Variants in ZC3H12B observed in about 807,000 individuals in gnomAD.
ZC3H12B encodes the protein zinc finger CCCH-type containing 12B.
A neutral mutation model predicts 43.9 loss-of-function variants in ZC3H12B; 7 were observed. That is an observed-to-expected ratio of 0.16 (90% CI 0.09 to 0.30). The LOEUF is 0.30. Among genes scored for constraint, ZC3H12B ranks in the 10% least tolerant of loss-of-function variants. ZC3H12B has a pLI of 1.00. For missense variants in ZC3H12B, 475 were observed against 670.2 expected (o/e 0.71, Z 3.22); for synonymous variants, 222 against 241.7 (o/e 0.92, Z 0.76).
At chrX:65,321,164 CA>C in the ZC3H12B span, among the ~76,000 whole-genome samples, 12 of 109,508 alleles carry the variant, frequency 1.1e-4, no homozygotes, top group Non-Finnish European at 2.1e-4. Context: ...ATCTAATAAC[CA>C]GCATCTATAA....
chrX:65,398,224 C>T lies in ZC3H12B; in HGVS notation n.296-369C>T, dbSNP rs1374128675. ...AGCAATCTATAGATTTAATGCAATC[C>T]CTATCCAAATACCATTGATACTTTT... On this transcript the variant is annotated intron_variant and non_coding_transcript_variant, in intron 2 of 5. Transcript: ENST00000617377. 9.0e-5 allele frequency among the ~76,000 whole-genome samples: 10 copies of T among 111,359 alleles called. 1 individual carries two copies. Among genetic ancestry groups the T allele is most frequent in the Non-Finnish European group, 1.9e-5 (1 of 52,962 alleles).
At chrX:65,261,203 G>T in the ZC3H12B span, among the ~76,000 whole-genome samples, 1 of 111,493 alleles carries the variant, frequency 9.0e-6, no homozygotes, top group Non-Finnish European at 1.9e-5. Flanking sequence ...AAAATGTATA[G>T]TAACAGAGCT....
At chrX:65,202,082 A>ATATATGTAATATATATATT in the ZC3H12B span, among the ~76,000 whole-genome samples, 1 of 64,222 alleles carries the variant, frequency 1.6e-5, no homozygotes, top group Non-Finnish European at 2.2e-5. Flanking sequence ...ATTACATATA[A>ATATATGTAATATATATATT]TATATGTAAT....
intron 3 of ZC3H12B, chrX:65,470,378 CA>C (rs201585286): frequency 7.7e-4 from 1 of 1,304 alleles, no homozygotes; most frequent in South Asian, 8.3e-3. Context: ...AACTTCCTAC[CA>C]ACCAGAAAGG....
the ZC3H12B span, among the ~76,000 whole-genome samples, chrX:65,091,551 C>A: frequency 7.2e-4 from 81 of 111,742 alleles, no homozygotes; most frequent in African/African-American, 2.6e-3. Flanking sequence ...TTTAAATAAA[C>A]CTTTTGTATT....
chrX:65,153,471 A>C, the ZC3H12B span, among the ~76,000 whole-genome samples: 1 of 112,730 alleles, frequency 8.9e-6, no homozygotes, highest in Non-Finnish European at 1.9e-5. Context: ...CAAAAAACAC[A>C]TGAAAAAATG....
the ZC3H12B span, among the ~76,000 whole-genome samples, chrX:65,261,813 A>T: frequency 1.8e-5 from 2 of 111,311 alleles, no homozygotes; most frequent in Non-Finnish European, 3.8e-5. Flanking sequence ...GCAGGTAGTA[A>T]ATATCTAGAT....
the ZC3H12B span, among the ~76,000 whole-genome samples, chrX:65,303,408 A>G: frequency 1.8e-5 from 2 of 112,338 alleles, no homozygotes; most frequent in African/African-American, 3.2e-5. Context: ...AAATTAAACA[A>G]TGTTATTTGC....
the ZC3H12B span, among the ~76,000 whole-genome samples, chrX:65,295,786 C>A: frequency 9.0e-6 from 1 of 111,279 alleles, no homozygotes; most frequent in Non-Finnish European, 1.9e-5. Flanking sequence ...CCTTTACACG[C>A]ACAAACTAGA....
At chrX:65,222,918 A>T in the ZC3H12B span, among the ~76,000 whole-genome samples, 1 of 111,155 alleles carries the variant, frequency 9.0e-6, no homozygotes, top group African/African-American at 3.3e-5. Flanking sequence ...AAAAGAGCCC[A>T]CATAGCCAAA....
intron 3 of ZC3H12B, among the ~76,000 whole-genome samples, chrX:65,454,335 C>G (rs1361164983): frequency 2.7e-5 from 3 of 112,380 alleles, no homozygotes; most frequent in African/African-American, 9.7e-5. Flanking sequence ...AGATTATATC[C>G]CACGCCTGGC....
At chrX:65,236,199 G>A in the ZC3H12B span, among the ~76,000 whole-genome samples, 1 of 112,047 alleles carries the variant, frequency 8.9e-6, no homozygotes, top group African/African-American at 3.2e-5. Flanking sequence ...AGGCAGCTCA[G>A]ATTTCAGGCT....
intron 3 of ZC3H12B, among the ~76,000 whole-genome samples, chrX:65,443,609 A>G (rs12847599): frequency 2.7e-5 from 3 of 112,516 alleles, no homozygotes; most frequent in South Asian, 7.2e-4. Context: ...AATTAATTGC[A>G]GCAGGAACAT....
chrX:65,065,996 G>T, the ZC3H12B span, among the ~76,000 whole-genome samples: 19 of 107,204 alleles, frequency 1.8e-4, no homozygotes, highest in African/African-American at 5.1e-4. Context: ...AGCTCCATCA[G>T]GTCATTTATG....
the ZC3H12B span, among the ~76,000 whole-genome samples, chrX:65,256,460 A>C: frequency 1.8e-5 from 2 of 112,356 alleles, no homozygotes; most frequent in Middle Eastern, 4.2e-3. Context: ...AATTAAATCA[A>C]AGCAGAAAAT....
chrX:65,249,898 G>C, the ZC3H12B span, among the ~76,000 whole-genome samples: 3 of 95,633 alleles, frequency 3.1e-5, no homozygotes, highest in South Asian at 1.1e-3. Flanking sequence ...AGCTACTTTT[G>C]TGTACATTAG....
At chrX:65,161,256 G>A in the ZC3H12B span, among the ~76,000 whole-genome samples, 1 of 111,494 alleles carries the variant, frequency 9.0e-6, no homozygotes, top group South Asian at 3.8e-4. Context: ...GGGGTGGAGA[G>A]TTCTGTAGAT....
chrX:65,311,248 C>G, the ZC3H12B span, among the ~76,000 whole-genome samples: 1 of 111,794 alleles, frequency 8.9e-6, no homozygotes, highest in African/African-American at 3.3e-5. Context: ...ATCCACCCCT[C>G]TGACAAAGGG....
At chrX:65,456,795 C>T (rs1180623665) in intron 3 of ZC3H12B, among the ~76,000 whole-genome samples, 1 of 109,026 alleles carries the variant, frequency 9.2e-6, no homozygotes, top group Non-Finnish European at 1.9e-5. Flanking sequence ...CTCGCTACAA[C>T]CTCCACCTCC....
Sources: allele counts gnomAD v4.1 joint callset (sites outside exome capture counted in the v4.1 genomes callset), GRCh38; gene constraint gnomAD v4.1.1; transcripts MANE v1.5; gene names NCBI Gene and HGNC (gene_info 2026-07-23, HGNC 2026-07-21).